NCS1: variants seen among roughly 807,000 people sequenced by gnomAD.
NCS1 encodes the protein neuronal calcium sensor 1.
Under a neutral mutation model 28.4 loss-of-function variants are expected in NCS1, and 6 were observed. The ratio of observed to expected loss-of-function variants is 0.21; its 90% confidence interval spans 0.12 to 0.42. NCS1 has a LOEUF of 0.42. Among genes scored for constraint, NCS1 ranks in the 10% least tolerant of loss-of-function variants. NCS1 has a pLI of 1.00. For synonymous variants in NCS1, 86 were observed against 99.3 expected (o/e 0.87, Z 0.79); for missense variants, 131 against 241.4 (o/e 0.54, Z 3.03).
intron 6 of NCS1, among the ~76,000 whole-genome samples, chr9:130,224,609 G>C (rs529340727): frequency 1.3e-5 from 2 of 151,534 alleles, no homozygotes; most frequent in Non-Finnish European, 2.9e-5. Context: ...CCTACTTGAG[G>C]GTGGAGGGTG....
intron 1 of NCS1, among the ~76,000 whole-genome samples, chr9:130,193,425 G>A (rs1832841327): frequency 6.6e-6 from 1 of 152,154 alleles, no homozygotes; most frequent in Non-Finnish European, 1.5e-5. Context: ...GATGGTGTGG[G>A]GGCGACGTCC....
intron 2 of NCS1, among the ~76,000 whole-genome samples, chr9:130,217,326 A>T (rs1588122650): frequency 1.3e-5 from 2 of 152,272 alleles, no homozygotes; most frequent in South Asian, 4.2e-4. Flanking sequence ...GGGAACAGAG[A>T]CTGAGGGGCA....
At chr9:130,203,127 T>G (rs1554907644) in intron 2 of NCS1, among the ~76,000 whole-genome samples, 1 of 68,902 alleles carries the variant, frequency 1.5e-5, no homozygotes, top group Non-Finnish European at 3.3e-5. Flanking sequence ...TGTATGTATA[T>G]ATATATATAT....
At chr9:130,201,749 C>G (rs993696421) in intron 2 of NCS1, among the ~76,000 whole-genome samples, 3 of 152,156 alleles carry the variant, frequency 2.0e-5, no homozygotes, top group Non-Finnish European at 2.9e-5. Flanking sequence ...GCCTCAAGTC[C>G]AAGCTGCAGA....
chr9:130,226,474 A>ACGGGCTGGTATAGTCC lies in NCS1; in HGVS notation c.562_*4dup, dbSNP rs782629686. The stretch of plus-strand genomic sequence containing the variant: ...ATTGTGCAGGCGCTGTCCCTCTACG[A>ACGGGCTGGTATAGTCC]CGGGCTGGTATAGTCCCAGGCTGGA... On this transcript the variant is annotated stop_gained and frameshift_variant, in exon 7 of 8. Coordinates refer to ENST00000372398, the MANE Select transcript of NCS1 (RefSeq NM_014286.4). LOFTEE classifies it high-confidence loss of function. The surrounding 1 kb of genome is among the most constrained non-coding windows in gnomAD (Gnocchi z 4.8). 4 of 1,613,406 alleles carry ACGGGCTGGTATAGTCC rather than the reference A, an allele frequency of 2.5e-6. No homozygotes were observed. The South Asian group carries it at 4.4e-5, about 18-fold the overall frequency.
At chr9:130,185,936 G>T (rs1832732614) in intron 1 of NCS1, among the ~76,000 whole-genome samples, 1 of 152,238 alleles carries the variant, frequency 6.6e-6, no homozygotes, top group Admixed American at 6.5e-5. Flanking sequence ...TGTCAAAATC[G>T]CTGAGCGAAG....
At chr9:130,200,586 C>A (rs1554907345) in intron 1 of NCS1, 1 of 1,551,772 alleles carries the variant, frequency 6.4e-7, no homozygotes, top group South Asian at 1.2e-5. Context: ...GACATCCCGT[C>A]CCCAGGGATT....
chr9:130,224,947 T>G (rs560446177), intron 6 of NCS1, among the ~76,000 whole-genome samples: 64 of 152,284 alleles, frequency 4.2e-4, no homozygotes, highest in Admixed American at 1.6e-3. Context: ...ATCCCAGCAC[T>G]TTGGGAGGCC....
In NCS1 at chr9:130,175,280, T is replaced by C. The variant is rs1443972904; in HGVS notation, c.64+2553T>C. On this transcript the variant is annotated intron_variant, in intron 1 of 7. Transcript: ENST00000372398. The surrounding 1 kb of genome is among the most constrained non-coding windows in gnomAD (Gnocchi z 4.9). ...TCCAGCTTGTTCTCCCGCCCCCAGA[T>C]GGGCTTCCTTCTGATGGGGAGTGGA... is the stretch of plus-strand genomic sequence containing the variant. 2.0e-5 allele frequency among the ~76,000 whole-genome samples: 3 copies of C among 152,202 alleles called. No individual in the cohort carries two copies. Among genetic ancestry groups the C allele is most frequent in the African/African-American group, 7.2e-5 (3 of 41,448 alleles).
intron 1 of NCS1, among the ~76,000 whole-genome samples, chr9:130,182,623 C>T (rs1475888929): frequency 1.3e-5 from 2 of 152,170 alleles, no homozygotes; most frequent in African/African-American, 4.8e-5. Flanking sequence ...GCCCTGGCCT[C>T]AACGGCTTCC....
At chr9:130,221,000 G>A (rs988052697) in intron 4 of NCS1, among the ~76,000 whole-genome samples, 1 of 151,832 alleles carries the variant, frequency 6.6e-6, no homozygotes, top group Non-Finnish European at 1.5e-5. Context: ...GGCCCTGGCA[G>A]CCCAATGCCC....
intron 1 of NCS1, among the ~76,000 whole-genome samples, chr9:130,173,200 G>A (rs1207590223): frequency 1.5e-5 from 1 of 66,930 alleles, no homozygotes; most frequent in Non-Finnish European, 3.3e-5. Context: ...CCGTTCGTGT[G>A]GGGGGGGGGG....
chr9:130,190,704 A>T (rs1832806061), intron 1 of NCS1, among the ~76,000 whole-genome samples: 1 of 152,164 alleles, frequency 6.6e-6, no homozygotes, highest in Non-Finnish European at 1.5e-5. Context: ...CTTGGGGATG[A>T]TATCTCCCAG....
At position 130,232,580 on chromosome 9, in the gene NCS1, A is replaced by C. The variant is rs1468384737; in HGVS notation, c.*18-410A>C. On this transcript the variant is annotated intron_variant, in intron 7 of 7. Coordinates refer to ENST00000372398, the MANE Select transcript of NCS1 (RefSeq NM_014286.4). This position sits in a 1 kb window ranked among gnomAD's most constrained non-coding sequence, Gnocchi z 4.4. Reference sequence around the variant, plus strand: ...GGTCTATCATGAGGTCAGGAGTTCGAGACCAGCCTGGCCAAGATGGTGAAA... The same window carrying C: ...GGTCTATCATGAGGTCAGGAGTTCGCGACCAGCCTGGCCAAGATGGTGAAA... 6.6e-6 allele frequency among the ~76,000 whole-genome samples: 1 copy of C among 152,104 alleles called. No individual in the cohort carries two copies. Among genetic ancestry groups the C allele is most frequent in the Non-Finnish European group, 1.5e-5 (1 of 68,008 alleles).
chr9:130,197,808 C>G (rs1473199227), intron 1 of NCS1, among the ~76,000 whole-genome samples: 2 of 152,036 alleles, frequency 1.3e-5, no homozygotes, highest in Non-Finnish European at 1.5e-5. Flanking sequence ...CCTAAAAATA[C>G]AAAAATTAGC....
chr9:130,202,622 C>T (rs1554907576), intron 2 of NCS1, among the ~76,000 whole-genome samples: 2 of 150,358 alleles, frequency 1.3e-5, no homozygotes, highest in African/African-American at 4.9e-5. Context: ...CTCTGCCACC[C>T]AGGCTAGAGT....
chr9:130,200,299 A>G (rs568560193), intron 1 of NCS1: 1 of 470,788 alleles, frequency 2.1e-6, no homozygotes, highest in East Asian at 3.5e-5. Flanking sequence ...CAGAAAAAGC[A>G]TTTTTGTTTG....
chr9:130,183,442 G>A (rs1386418482), intron 1 of NCS1, among the ~76,000 whole-genome samples: 2 of 152,180 alleles, frequency 1.3e-5, no homozygotes, highest in African/African-American at 2.4e-5. Flanking sequence ...AGGGGAGCAG[G>A]GGGAGGGCAG....
At chr9:130,173,846 C>G (rs1832526170) in intron 1 of NCS1, among the ~76,000 whole-genome samples, 1 of 152,228 alleles carries the variant, frequency 6.6e-6, no homozygotes, top group Non-Finnish European at 1.5e-5. Context: ...TCCCCCCACT[C>G]CATCGGCCTT....
Sources: gnomAD v4.1 joint callset for allele counts (sites outside exome capture counted in the v4.1 genomes callset) on GRCh38, gnomAD v4.1.1 for gene constraint, Gnocchi (gnomAD v3.1) non-coding constraint, MANE v1.5 for transcripts, NCBI Gene and HGNC (gene_info 2026-07-23, HGNC 2026-07-21) for gene names.